The following EPHA4 variants were observed in gnomAD, a reference collection of about 807,000 sequenced individuals.
EPHA4 encodes the protein ephrin type-A receptor 4.
EPHA4 carries 19 observed loss-of-function variants against 108.3 expected under a neutral mutation model. That is an observed-to-expected ratio of 0.18 (90% CI 0.12 to 0.26). The LOEUF (loss-of-function observed/expected upper bound fraction) is 0.26. Among genes scored for constraint, EPHA4 ranks in the 10% least tolerant of loss-of-function variants. The pLI, the probability that EPHA4 is intolerant of heterozygous loss-of-function variation, is 1.00. For missense variants in EPHA4, 917 were observed against 1,254.0 expected (o/e 0.73, Z 4.06); for synonymous variants, 449 against 455.5 (o/e 0.99, Z 0.18).
intron 8 of EPHA4, among the ~76,000 whole-genome samples, chr2:221,454,561 C>T (rs1690881627): frequency 6.6e-6 from 1 of 152,132 alleles, no homozygotes; most frequent in South Asian, 2.1e-4. Flanking sequence ...AGGCTTAGCC[C>T]TTTTTTTCAC....
chr2:221,418,245 A>G lies in EPHA4; in HGVS notation c.*3127T>C, dbSNP rs971594383. Reference sequence around the variant, plus strand: ...ACTCCAGAAATCACTCAAAGTTTGGAACGTGTGAACCGAACAATGTTCTGT... The same window carrying G: ...ACTCCAGAAATCACTCAAAGTTTGGGACGTGTGAACCGAACAATGTTCTGT... On this transcript the variant is annotated 3_prime_UTR_variant, in exon 18 of 18. Coordinates refer to ENST00000281821, the MANE Select transcript of EPHA4 (RefSeq NM_004438.5). 6.6e-6 allele frequency: 1 copy of G among 152,644 alleles called. No individual in the cohort carries two copies. Among genetic ancestry groups the G allele is most frequent in the Admixed American group, 6.5e-5 (1 of 15,286 alleles). 9.5% of individuals were successfully genotyped at this position (152,644 alleles called of 1,614,324 possible).
In EPHA4 at chr2:221,426,613, G is replaced by T; in HGVS notation, c.2697C>A (p.Asn899Lys). ...KRTGTESSRP[N>K]TALLDPSSPE... is the part of the protein sequence containing the mutation. ...GGGAGCTTGGATCCAACAAGGCAGTGTTAGGTCTAGAAAGAGAACAAGAAA... is the reference window on the plus strand; with the variant it reads ...GGGAGCTTGGATCCAACAAGGCAGTTTTAGGTCTAGAAAGAGAACAAGAAA... The change falls in exon 16 of 18, where the codon AAC becomes AAA. Residue 899 changes from asparagine (N) to lysine (K), a missense_variant. Asn to Lys is a moderately conservative substitution (Grantham distance 94, BLOSUM62 0). Coordinates refer to ENST00000281821, the MANE Select transcript of EPHA4 (RefSeq NM_004438.5). The T allele has an allele frequency of 6.2e-7, 1 of 1,612,674 alleles. No individual in the cohort carries two copies. The highest frequency in any genetic ancestry group is 1.1e-5 in the South Asian group (1 of 90,686).
At chr2:221,544,296 T>C (rs984516064) in intron 3 of EPHA4, among the ~76,000 whole-genome samples, 1 of 152,186 alleles carries the variant, frequency 6.6e-6, no homozygotes, top group African/African-American at 2.4e-5. Context: ...ATCTGCCACA[T>C]ATTCACAACC....
chr2:221,453,035 C>T (rs561159175), intron 8 of EPHA4, among the ~76,000 whole-genome samples: 1 of 152,224 alleles, frequency 6.6e-6, no homozygotes, highest in African/African-American at 2.4e-5. Context: ...CTCATTACTC[C>T]AGTTTGACTG....
chr2:221,497,012 C>A (rs925412766), intron 4 of EPHA4, among the ~76,000 whole-genome samples: 1 of 152,048 alleles, frequency 6.6e-6, no homozygotes, highest in African/African-American at 2.4e-5. Flanking sequence ...CCTACCCCCC[C>A]ACCAGAAATC....
At chr2:221,560,530 T>C (rs1481320787) in intron 3 of EPHA4, among the ~76,000 whole-genome samples, 1 of 152,194 alleles carries the variant, frequency 6.6e-6, no homozygotes, top group Non-Finnish European at 1.5e-5. Flanking sequence ...TTAGCCTTGA[T>C]ATCAAGGAGT....
At chr2:221,547,572 C>T (rs1304182053) in intron 3 of EPHA4, among the ~76,000 whole-genome samples, 3 of 152,128 alleles carry the variant, frequency 2.0e-5, no homozygotes, top group South Asian at 2.1e-4. Context: ...TTTGTAAGGC[C>T]GTTCAAAATA....
intron 3 of EPHA4, among the ~76,000 whole-genome samples, chr2:221,547,191 C>T (rs531825609): frequency 1.9e-4 from 29 of 152,256 alleles, no homozygotes; most frequent in Admixed American, 4.6e-4. Context: ...TGGTTCATTG[C>T]CATTGTTTTA....
At chr2:221,570,274 G>C (rs1694787017) in intron 1 of EPHA4, among the ~76,000 whole-genome samples, 1 of 151,726 alleles carries the variant, frequency 6.6e-6, no homozygotes, top group Non-Finnish European at 1.5e-5. Context: ...CATTAGCCTA[G>C]GGCTCTCAGA....
chr2:221,467,285 A>G (rs765816788), intron 5 of EPHA4, among the ~76,000 whole-genome samples: 5 of 152,208 alleles, frequency 3.3e-5, no homozygotes, highest in Admixed American at 6.5e-5. Context: ...TTACTTTGCT[A>G]TAATTCAATG....
At chr2:221,448,247 T>TG (rs1690658459) in intron 8 of EPHA4, among the ~76,000 whole-genome samples, 1 of 118,164 alleles carries the variant, frequency 8.5e-6, no homozygotes, top group Non-Finnish European at 1.7e-5. Flanking sequence ...TGGGGTGGGG[T>TG]GGGGGGTGGG....
chr2:221,527,379 T>C (rs941957204), intron 3 of EPHA4, among the ~76,000 whole-genome samples: 3 of 152,030 alleles, frequency 2.0e-5, no homozygotes, highest in Admixed American at 1.3e-4. Flanking sequence ...AAAAGAGAAA[T>C]AGAAAACTAA....
chr2:221,487,831 G>A (rs945342201), intron 4 of EPHA4, among the ~76,000 whole-genome samples: 1 of 151,776 alleles, frequency 6.6e-6, no homozygotes, highest in Non-Finnish European at 1.5e-5. Context: ...CTCTGTGCCT[G>A]CACCCAAAAA....
rs372717248 is a variant in EPHA4 at position 221,418,235 on chromosome 2, CAA to C, written c.*3135_*3136del. 226 of 152,736 alleles carry C rather than the reference CAA, an allele frequency of 1.5e-3. No homozygotes were observed. Among genetic ancestry groups the C allele is most frequent in the African/African-American group, 5.3e-3 (220 of 41,566 alleles). 9.5% of individuals were successfully genotyped at this position (152,736 alleles called of 1,614,324 possible). On this transcript the variant is annotated 3_prime_UTR_variant, in exon 18 of 18. Transcript: ENST00000281821. ...TCTATGTCTAACTCCAGAAATCACT[CAA>C]AGTTTGGAACGTGTGAACCGAACAA... is the stretch of plus-strand genomic sequence containing the variant.
rs534181685 is a variant in EPHA4 at position 221,526,768 on chromosome 2, A to C, written c.824-25596T>G. The stretch of plus-strand genomic sequence containing the variant: ...AGGCTGAGGCAGGAGAATTGCTCGA[A>C]CCCGGGAGGCAGAGGTTGCAGTGGG... On this transcript the variant is annotated intron_variant, in intron 3 of 17. Transcript: ENST00000281821. Among the ~76,000 whole-genome samples the C allele has an allele frequency of 2.1e-4, 30 of 145,704 alleles. No homozygotes were observed. The South Asian group carries it at 6.3e-3, about 31-fold the overall frequency.
chr2:221,515,887 T>A (rs1195203723), intron 3 of EPHA4, among the ~76,000 whole-genome samples: 1 of 151,726 alleles, frequency 6.6e-6, no homozygotes. Context: ...ATCTACATTT[T>A]ATTTTTTAAA....
intron 4 of EPHA4, among the ~76,000 whole-genome samples, chr2:221,494,376 G>A (rs977943924): frequency 2.6e-4 from 40 of 152,208 alleles, no homozygotes; most frequent in Admixed American, 2.6e-3. Flanking sequence ...GGCCTAGGCG[G>A]GCGGATCGCT....
At position 221,470,306 on chromosome 2, in the gene EPHA4, T is replaced by C. The variant is rs765876355; in HGVS notation, c.1318+12046A>G. On this transcript the variant is annotated intron_variant, in intron 5 of 17. Coordinates refer to ENST00000281821, the MANE Select transcript of EPHA4 (RefSeq NM_004438.5). The stretch of plus-strand genomic sequence containing the variant: ...ACAGTATAAACTAGAATGTTACAAA[T>C]AGGGGAGAGAGACAGAGAGAGAAAG... Among the ~76,000 whole-genome samples, 8 of 130,880 alleles carry C rather than the reference T, an allele frequency of 6.1e-5. No homozygotes were observed. In the East Asian group the frequency reaches 1.1e-3, roughly 18 times the overall value. 85.9% of individuals were successfully genotyped at this position (130,880 alleles called of 152,430 possible).
chr2:221,508,770 C>T (rs550950205), intron 3 of EPHA4, among the ~76,000 whole-genome samples: 66 of 152,146 alleles, frequency 4.3e-4, no homozygotes, highest in South Asian at 1.0e-3. Flanking sequence ...AGAGATGAAG[C>T]TCTCACACAG....
Sources: gnomAD v4.1 joint callset for allele counts (sites outside exome capture counted in the v4.1 genomes callset) on GRCh38, gnomAD v4.1.1 for gene constraint, MANE v1.5 for transcripts, NCBI Gene and HGNC (gene_info 2026-07-23, HGNC 2026-07-21) for gene names.